LAMA1: variants seen among roughly 807,000 people sequenced by gnomAD.
LAMA1 encodes the protein laminin subunit alpha-1.
Under a neutral mutation model 348.7 loss-of-function variants are expected in LAMA1, and 219 were observed. The observed-to-expected ratio is 0.63, with a 90% CI of 0.56 to 0.70. LAMA1 has a LOEUF of 0.70. Ranked by LOEUF, LAMA1 falls within the 30% of genes least tolerant of loss-of-function variation. The pLI, the probability that LAMA1 is intolerant of heterozygous loss-of-function variation, is 0.00. For synonymous variants in LAMA1, 1,487 were observed against 1,491.0 expected, an observed-to-expected ratio of 1.00 and a Z score of 0.06; for missense variants, 3,744 against 3,888.0, an observed-to-expected ratio of 0.96 and a Z score of 0.99.
intron 1 of LAMA1, among the ~76,000 whole-genome samples, chr18:7,115,935 T>C (rs2058354478): frequency 6.7e-6 from 1 of 149,816 alleles, no homozygotes; most frequent in African/African-American, 2.5e-5. Context: ...GCCGAGATGG[T>C]GCCACTCCAC....
At chr18:7,059,623 T>C (rs1360263997) in intron 3 of LAMA1, among the ~76,000 whole-genome samples, 2 of 152,174 alleles carry the variant, frequency 1.3e-5, no homozygotes, top group Admixed American at 6.5e-5. Context: ...CAACTTCCCA[T>C]GTGCAGACAG....
chr18:6,983,500 G>A (rs1002694399), intron 39 of LAMA1, among the ~76,000 whole-genome samples: 12 of 152,088 alleles, frequency 7.9e-5, no homozygotes, highest in African/African-American at 2.9e-4. Context: ...TCCCTTAGAC[G>A]ACCATTCATC....
intron 3 of LAMA1, among the ~76,000 whole-genome samples, chr18:7,052,166 T>C (rs910122500): frequency 3.9e-5 from 6 of 152,158 alleles, no homozygotes; most frequent in African/African-American, 1.2e-4. Flanking sequence ...CAGTGGTTCA[T>C]GTCTGTAATC....
intron 10 of LAMA1, among the ~76,000 whole-genome samples, chr18:7,039,188 A>ATTGTT (rs1187896221): frequency 1.3e-5 from 2 of 152,048 alleles, no homozygotes; most frequent in African/African-American, 2.4e-5. Flanking sequence ...TTCCATTTAA[A>ATTGTT]TTGTTTTGTT....
At chr18:7,054,546 G>A (rs2058074056) in intron 3 of LAMA1, among the ~76,000 whole-genome samples, 1 of 152,140 alleles carries the variant, frequency 6.6e-6, no homozygotes, top group Non-Finnish European at 1.5e-5. Flanking sequence ...GATGGATATG[G>A]GTGATTTGTT....
At chr18:7,079,593 A>G in intron 3 of LAMA1, 1 of 326,188 alleles carries the variant, frequency 3.1e-6, no homozygotes, top group Non-Finnish European at 5.9e-6. Context: ...TAACTTACTC[A>G]ATGACATTAG....
Position 6,956,711 on chromosome 18 carries a change from G to A in LAMA1, c.8019C>T (p.Cys2673=). Residue 2673 remains cysteine (C), a synonymous_variant, in exon 56 of 63, where the codon TGC becomes TGT. Coordinates refer to ENST00000389658, the MANE Select transcript of LAMA1 (RefSeq NM_005559.4). ...VGHEQVDLDT[C]WLSERPKLAP... Reference sequence around the variant, plus strand: ...CCAGCTTAGGCCTTTCTGACAGCCAGCAGGTGTCCAGGTCGACTTGCTCAT... The same window carrying A: ...CCAGCTTAGGCCTTTCTGACAGCCAACAGGTGTCCAGGTCGACTTGCTCAT... 6.2e-7 allele frequency: 1 copy of A among 1,614,208 alleles called. No individual in the cohort carries two copies. Among genetic ancestry groups the A allele is most frequent in the Non-Finnish European group, 8.5e-7 (1 of 1,180,042 alleles).
chr18:7,075,393 TG>T (rs1426320262), intron 3 of LAMA1, among the ~76,000 whole-genome samples: 6 of 149,614 alleles, frequency 4.0e-5, no homozygotes, highest in Non-Finnish European at 5.9e-5. Context: ...GAGGCCAAGG[TG>T]GGCAGGTCAC....
intron 59 of LAMA1, 54 bp from the exon 60 acceptor site, chr18:6,948,610 T>G: frequency 6.2e-7 from 1 of 1,601,570 alleles, no homozygotes; most frequent in Non-Finnish European, 8.5e-7. Context: ...GGGAAGGGTT[T>G]GGACACATTT....
intron 1 of LAMA1, among the ~76,000 whole-genome samples, chr18:7,114,031 C>T (rs893159981): frequency 2.0e-5 from 3 of 146,400 alleles, no homozygotes; most frequent in African/African-American, 2.5e-5. Context: ...GAGCCGAGAT[C>T]GTGCCACTGC....
At chr18:7,096,429 C>T (rs973221465) in intron 1 of LAMA1, among the ~76,000 whole-genome samples, 1 of 152,132 alleles carries the variant, frequency 6.6e-6, no homozygotes, top group Non-Finnish European at 1.5e-5. Flanking sequence ...ATAATCCCAG[C>T]ATTTTGAGAA....
In LAMA1 at chr18:6,948,531, A is replaced by G. The variant is rs761532238; in HGVS notation, c.8582T>C (p.Ile2861Thr). ...GNITHSIPAC[I>T]GDVTVNSKQL... ...TTTGCTGTTAACCGTCACATCCCCA[A>G]TGCAGGCAGGGATGCTGTGGGTGAT... The change falls in exon 60 of 63, where the codon ATT (isoleucine) becomes ACT (threonine). Residue 2861 changes from isoleucine (I) to threonine (T), a missense_variant. By Grantham distance (89) the Ile-to-Thr change is moderately conservative. This residue lies in a region of LAMA1 where 1,983 missense variants were observed against 1,934.3 expected (regional missense o/e 1.03). Coordinates refer to ENST00000389658, the MANE Select transcript of LAMA1 (RefSeq NM_005559.4). 2.9e-5 allele frequency: 47 copies of G among 1,614,080 alleles called. No homozygotes were observed. The highest frequency in any genetic ancestry group is 3.4e-5 in the Non-Finnish European group (40 of 1,180,050).
intron 61 of LAMA1, 55 bp from the exon 62 acceptor site, chr18:6,943,457 G>T: frequency 7.2e-7 from 1 of 1,387,312 alleles, no homozygotes; most frequent in Non-Finnish European, 1.0e-6. Context: ...CAGTCCATTT[G>T]TATAAGCTCT....
intron 34 of LAMA1, among the ~76,000 whole-genome samples, chr18:6,994,391 T>C (rs16950995): frequency 0.033 from 4,960 of 152,316 alleles, 284 homozygotes; most frequent in African/African-American, 0.11. Flanking sequence ...GTTTGTAATT[T>C]CCAAGAATGT....
In LAMA1 at chr18:7,015,752, G is replaced by A. The variant is rs775334794; in HGVS notation, c.3096C>T (p.His1032=). ...GVKCEECEDG[H]WGYDAEVGCQ... ...ACCCCACCTCCGCATCGTAGCCCCAGTGCCCATCCTCACATTCTTCACACT... is the reference window on the plus strand; with the variant it reads ...ACCCCACCTCCGCATCGTAGCCCCAATGCCCATCCTCACATTCTTCACACT... The change falls in exon 22 of 63, where the codon CAC becomes CAT. Residue 1032 remains histidine (H), a synonymous_variant. Transcript: ENST00000389658. 6.2e-7 allele frequency: 1 copy of A among 1,614,084 alleles called. No homozygotes were observed. The highest frequency in any genetic ancestry group is 8.5e-7 in the Non-Finnish European group (1 of 1,180,006).
intron 1 of LAMA1, among the ~76,000 whole-genome samples, chr18:7,114,203 G>C (rs1046803150): frequency 6.6e-6 from 1 of 152,106 alleles, no homozygotes; most frequent in African/African-American, 2.4e-5. Flanking sequence ...TGATGAGCAA[G>C]TACAATAGGT....
At position 6,965,347 on chromosome 18, in the gene LAMA1, T is replaced by A. The variant is rs372144286; in HGVS notation, c.7136A>T (p.Asp2379Val). Residue 2379 changes from aspartate (D) to valine (V), a missense_variant, in exon 50 of 63, where the codon GAC becomes GTC. Physicochemically the swap from Asp to Val is radical, Grantham distance 152. This residue lies in a region of LAMA1 where 1,983 missense variants were observed against 1,934.3 expected (regional missense o/e 1.03). Coordinates refer to ENST00000389658, the MANE Select transcript of LAMA1 (RefSeq NM_005559.4). ...CCAGGTTCCATTGTTATAACGTCTGTCTGTCAAAAGGGTAATGGGTCCTGA... is the reference window on the plus strand; with the variant it reads ...CCAGGTTCCATTGTTATAACGTCTGACTGTCAAAAGGGTAATGGGTCCTGA... ...LGSGPITLLTDRRYNNGTWYK... is the reference protein window; with the variant it reads ...LGSGPITLLTVRRYNNGTWYK... The A allele has an allele frequency of 6.2e-6, 10 of 1,614,104 alleles. No individual in the cohort carries two copies. In the African/African-American group the frequency reaches 1.1e-4, roughly 17 times the overall value.
chr18:6,970,474 C>T (rs796128876), intron 48 of LAMA1, among the ~76,000 whole-genome samples: 1 of 152,080 alleles, frequency 6.6e-6, no homozygotes, highest in African/African-American at 2.4e-5. Context: ...GAAAAAGAAA[C>T]CAAACCTCAG....
At position 7,032,053 on chromosome 18, in the gene LAMA1, G is replaced by T. The variant is rs1328932197; in HGVS notation, c.2274+13C>A. Reference sequence around the variant, plus strand: ...AGGAGGAGAGGGCACCTGAACTACAGTGAGAGACTCACAATGCAAACGCCG... The same window carrying T: ...AGGAGGAGAGGGCACCTGAACTACATTGAGAGACTCACAATGCAAACGCCG... On this transcript the variant is annotated intron_variant, in intron 16 of 62. Transcript: ENST00000389658. The T allele has an allele frequency of 1.2e-6, 2 of 1,609,670 alleles. No individual in the cohort carries two copies. Among genetic ancestry groups the T allele is most frequent in the South Asian group, 2.2e-5 (2 of 90,986 alleles).
Sources: allele counts gnomAD v4.1 joint callset (sites outside exome capture counted in the v4.1 genomes callset), GRCh38; gene constraint gnomAD v4.1.1; regional missense constraint gnomAD v4.1.1; transcripts MANE v1.5; gene names NCBI Gene and HGNC (gene_info 2026-07-23, HGNC 2026-07-21).